The following BBS9 variants were observed in gnomAD, a reference collection of about 807,000 sequenced individuals.
BBS9 encodes protein PTHB1.
A neutral mutation model predicts 117.7 loss-of-function variants in BBS9; 89 were observed. The observed-to-expected ratio is 0.76, with a 90% CI of 0.64 to 0.90. BBS9 has a LOEUF of 0.90. Ranked by LOEUF, BBS9 falls within the 40% of genes least tolerant of loss-of-function variation. The pLI, the probability that BBS9 is intolerant of heterozygous loss-of-function variation, is 0.00. For synonymous variants in BBS9, 379 were observed against 370.9 expected (o/e 1.02, Z -0.25); for missense variants, 982 against 1,042.2 (o/e 0.94, Z 0.80).
intron 21 of BBS9, among the ~76,000 whole-genome samples, chr7:33,544,446 A>G (rs1266207249): frequency 6.6e-6 from 1 of 151,992 alleles, no homozygotes; most frequent in South Asian, 2.1e-4. Flanking sequence ...GCCGAACTAT[A>G]GTGATTGTTG....
In BBS9 at chr7:33,273,922, C is replaced by T. The variant is rs943663192; in HGVS notation, c.982C>T (p.His328Tyr). 3.7e-6 allele frequency: 6 copies of T among 1,613,546 alleles called. No individual in the cohort carries two copies. The highest frequency in any genetic ancestry group is 5.1e-6 in the Non-Finnish European group (6 of 1,179,690). ...VTLKWATQLP[H>Y]IPVAVRVGCL... ...ACTGAAGTGGGCCACCCAACTTCCC[C>T]ACATTCCTGTAGCAGTAAGAGTGGG... Residue 328 changes from histidine (H) to tyrosine (Y), a missense_variant, in exon 9 of 23, where the codon CAC (histidine) becomes TAC (tyrosine). By Grantham distance (83) the His-to-Tyr change is moderately conservative. Transcript: ENST00000242067.
At chr7:33,322,356 C>CTTTTTTTT (rs35411730) in intron 9 of BBS9, among the ~76,000 whole-genome samples, 3 of 74,162 alleles carry the variant, frequency 4.0e-5, no homozygotes, top group African/African-American at 4.7e-5. Flanking sequence ...GGGTCTCAGG[C>CTTTTTTTT]TTTTTTTTTT....
intron 16 of BBS9, among the ~76,000 whole-genome samples, chr7:33,362,601 T>G (rs1174937928): frequency 6.6e-6 from 1 of 152,204 alleles, no homozygotes. Flanking sequence ...CTTTCTTAAT[T>G]TTGTTCCATT....
chr7:33,595,164 A>G (rs1041579695), intron 21 of BBS9, among the ~76,000 whole-genome samples: 1 of 152,208 alleles, frequency 6.6e-6, no homozygotes, highest in Admixed American at 6.6e-5. Flanking sequence ...CGCCAAAAGC[A>G]ATTGCAACAA....
chr7:33,399,287 A>G (rs1388283067), intron 19 of BBS9, among the ~76,000 whole-genome samples: 1 of 152,176 alleles, frequency 6.6e-6, no homozygotes, highest in Non-Finnish European at 1.5e-5. Flanking sequence ...CACTGAGCCA[A>G]TGATTTTCAC....
chr7:33,590,439 G>GTTTTTTT (rs1554551610), intron 21 of BBS9, among the ~76,000 whole-genome samples: 1 of 77,146 alleles, frequency 1.3e-5, no homozygotes, highest in African/African-American at 1.1e-4. Flanking sequence ...ACTGGCCACT[G>GTTTTTTT]TTTGTTTTTT....
chr7:33,378,316 C>G (rs1046058539), intron 17 of BBS9, among the ~76,000 whole-genome samples: 1 of 152,158 alleles, frequency 6.6e-6, no homozygotes, highest in Non-Finnish European at 1.5e-5. Context: ...TATCACTCAG[C>G]AATATTTTTT....
At chr7:33,384,066 G>A (rs1324386332) in intron 18 of BBS9, among the ~76,000 whole-genome samples, 2 of 152,148 alleles carry the variant, frequency 1.3e-5, no homozygotes, top group African/African-American at 2.4e-5. Flanking sequence ...GTCTGGCCCT[G>A]GAACAGAGCT....
At chr7:33,301,765 TG>T (rs1458260883) in intron 9 of BBS9, among the ~76,000 whole-genome samples, 3 of 152,180 alleles carry the variant, frequency 2.0e-5, no homozygotes, top group Non-Finnish European at 4.4e-5. Flanking sequence ...TTCAATCTAC[TG>T]ATTTGCTTTC....
chr7:33,253,811 G>A (rs961693762), intron 5 of BBS9, among the ~76,000 whole-genome samples: 2 of 152,162 alleles, frequency 1.3e-5, no homozygotes, highest in Non-Finnish European at 2.9e-5. Context: ...ATGTCTGCAA[G>A]TTGTATGTAT....
intron 14 of BBS9, chr7:33,352,132 T>A (rs1436053563): frequency 6.5e-6 from 1 of 152,696 alleles, no homozygotes; most frequent in Middle Eastern, 3.2e-3. Context: ...TAGTAGAAAA[T>A]AATATTATGG....
At chr7:33,245,738 A>C (rs1795233237) in intron 5 of BBS9, among the ~76,000 whole-genome samples, 1 of 152,190 alleles carries the variant, frequency 6.6e-6, no homozygotes, top group African/African-American at 2.4e-5. Context: ...GGTTCAGTTT[A>C]GTTAAACAGA....
At chr7:33,311,894 T>G (rs1809327718) in intron 9 of BBS9, among the ~76,000 whole-genome samples, 2 of 152,148 alleles carry the variant, frequency 1.3e-5, no homozygotes, top group African/African-American at 4.8e-5. Flanking sequence ...CTGACATTCC[T>G]CTGTGCAATA....
chr7:33,163,408 C>T (rs1258481805), intron 4 of BBS9, among the ~76,000 whole-genome samples: 1 of 152,100 alleles, frequency 6.6e-6, no homozygotes, highest in East Asian at 1.9e-4. Context: ...AGGTATGGTA[C>T]CACCTCCTCT....
intron 19 of BBS9, among the ~76,000 whole-genome samples, chr7:33,405,968 T>C (rs929763759): frequency 2.6e-5 from 4 of 152,202 alleles, no homozygotes; most frequent in African/African-American, 9.7e-5. Context: ...TCCTGCTTTC[T>C]CTTGTGGGCA....
chr7:33,209,730 T>G (rs138219225), intron 5 of BBS9, among the ~76,000 whole-genome samples: 4 of 152,294 alleles, frequency 2.6e-5, no homozygotes, highest in African/African-American at 9.6e-5. Flanking sequence ...ATGCATTGTC[T>G]GTTGTAAAGT....
intron 19 of BBS9, among the ~76,000 whole-genome samples, chr7:33,497,407 G>C (rs112709862): frequency 6.6e-6 from 1 of 152,106 alleles, no homozygotes; most frequent in Non-Finnish European, 1.5e-5. Flanking sequence ...TGTGTACCTC[G>C]TACTGGAAAA....
At chr7:33,616,479 A>ATGTG (rs199968576) in intron 21 of BBS9, among the ~76,000 whole-genome samples, 8 of 142,488 alleles carry the variant, frequency 5.6e-5, no homozygotes, top group East Asian at 2.1e-4. Context: ...TATATAATAT[A>ATGTG]TGTGTGTGTG....
At chr7:33,222,521 C>T (rs927598373) in intron 5 of BBS9, among the ~76,000 whole-genome samples, 1 of 152,132 alleles carries the variant, frequency 6.6e-6, no homozygotes, top group Non-Finnish European at 1.5e-5. Flanking sequence ...ACTGAAAGAG[C>T]ATTCCTACTG....
Sources: gnomAD v4.1 joint callset for allele counts (sites outside exome capture counted in the v4.1 genomes callset) on GRCh38, gnomAD v4.1.1 for gene constraint, MANE v1.5 for transcripts, NCBI Gene and HGNC (gene_info 2026-07-23, HGNC 2026-07-21) for gene names.